FOXO1: variants seen among roughly 807,000 people sequenced by gnomAD.
FOXO1 encodes the protein forkhead box protein O1.
In FOXO1, 6 loss-of-function variants were observed where a neutral mutation model predicts 44.1. That is an observed-to-expected ratio of 0.14 (90% CI 0.07 to 0.27). The LOEUF (loss-of-function observed/expected upper bound fraction) is 0.27. Ranked by LOEUF, FOXO1 falls within the 10% of genes least tolerant of loss-of-function variation. FOXO1 has a pLI of 1.00. For synonymous variants in FOXO1, 380 were observed against 362.7 expected, an observed-to-expected ratio of 1.05 and a Z score of -0.54; for missense variants, 737 against 888.8, an observed-to-expected ratio of 0.83 and a Z score of 2.17.
chr13:40,646,109 T>A (rs552016447), intron 1 of FOXO1, among the ~76,000 whole-genome samples: 2 of 150,662 alleles, frequency 1.3e-5, no homozygotes, highest in Admixed American at 6.6e-5. Flanking sequence ...ATTTAGTGAA[T>A]AATTGAGAAC....
intron 1 of FOXO1, among the ~76,000 whole-genome samples, chr13:40,596,666 T>G (rs1010397061): frequency 6.6e-6 from 1 of 152,310 alleles, no homozygotes; most frequent in Non-Finnish European, 1.5e-5. Context: ...ATCAGGGCCA[T>G]CCTTCTGCAA....
intron 1 of FOXO1, among the ~76,000 whole-genome samples, chr13:40,653,193 T>G (rs1033184048): frequency 6.6e-6 from 1 of 152,032 alleles, no homozygotes. Flanking sequence ...TGTCTCGAAC[T>G]CCTAACCTCA....
intron 1 of FOXO1, among the ~76,000 whole-genome samples, chr13:40,664,064 G>A (rs992642027): frequency 1.3e-5 from 2 of 152,196 alleles, no homozygotes; most frequent in African/African-American, 4.8e-5. Flanking sequence ...CACGAGGTCA[G>A]GAGATCCAGA....
chr13:40,644,141 C>T (rs1038115220), intron 1 of FOXO1, among the ~76,000 whole-genome samples: 1 of 152,154 alleles, frequency 6.6e-6, no homozygotes, highest in Non-Finnish European at 1.5e-5. Context: ...CCAGGGCATG[C>T]CAGTAAATAT....
chr13:40,605,926 A>C lies in FOXO1; in HGVS notation c.631-45066T>G, dbSNP rs139219804. 3.9e-4 allele frequency among the ~76,000 whole-genome samples: 60 copies of C among 152,302 alleles called. No individual in the cohort carries two copies. In the East Asian group the frequency reaches 0.011, roughly 28 times the overall value. On this transcript the variant is annotated intron_variant, in intron 1 of 2. Transcript: ENST00000379561. ...GAAAAGTAGTAGGTATGAGCCTAATAATCTAGAAAACGTACATCGACCAAG... is the reference window on the plus strand; with the variant it reads ...GAAAAGTAGTAGGTATGAGCCTAATCATCTAGAAAACGTACATCGACCAAG...
rs541198342 is a variant in FOXO1 at position 40,611,080 on chromosome 13, G to C, written c.631-50220C>G. 5 of 456,154 alleles carry C rather than the reference G, an allele frequency of 1.1e-5. No homozygotes were observed. In the Admixed American group the frequency reaches 1.2e-4, roughly 11 times the overall value. 28.3% of individuals were successfully genotyped at this position (456,154 alleles called of 1,614,324 possible). ...AGTTGTATCTTCATCAAAAATAAAT[G>C]CTTATTCAGTGGCATCAATACTGCA... On this transcript the variant is annotated intron_variant, in intron 1 of 2. Coordinates refer to ENST00000379561, the MANE Select transcript of FOXO1 (RefSeq NM_002015.4).
At chr13:40,572,852 C>A (rs1874591788) in intron 1 of FOXO1, among the ~76,000 whole-genome samples, 1 of 152,190 alleles carries the variant, frequency 6.6e-6, no homozygotes, top group Non-Finnish European at 1.5e-5. Context: ...TGCGCAACAG[C>A]CCTGCTGTCC....
chr13:40,590,676 C>T (rs778096965), intron 1 of FOXO1, among the ~76,000 whole-genome samples: 1 of 152,190 alleles, frequency 6.6e-6, no homozygotes, highest in African/African-American at 2.4e-5. Flanking sequence ...TTGCCGTCAA[C>T]GGGAGATGTG....
Position 40,666,416 on chromosome 13 carries a change from G to T in FOXO1, c.-204C>A. 1 of 423,628 alleles carries T rather than the reference G, an allele frequency of 2.4e-6. No individual in the cohort carries two copies. Among genetic ancestry groups the T allele is most frequent in the Non-Finnish European group, 4.2e-6 (1 of 240,868 alleles). 26.2% of individuals were successfully genotyped at this position (423,628 alleles called of 1,614,324 possible). A position where few individuals can be genotyped will look rare whatever the true frequency, so the allele number is the denominator to read the frequency against. The stretch of plus-strand genomic sequence containing the variant: ...TTAACTTCGCGGGGCCATCCACATC[G>T]AGGCTCCTCGGGGTCCGCCGCACGG... On this transcript the variant is annotated 5_prime_UTR_variant, in exon 1 of 3. Coordinates refer to ENST00000379561, the MANE Select transcript of FOXO1 (RefSeq NM_002015.4).
At chr13:40,559,382 T>C (rs1873885842) in intron 2 of FOXO1, 127 bp downstream of exon 2, 1 of 825,252 alleles carries the variant, frequency 1.2e-6, no homozygotes, top group South Asian at 2.1e-5. Context: ...GAATGAATGA[T>C]AAAAGATCCC....
chr13:40,644,292 C>A (rs1473220514), intron 1 of FOXO1, among the ~76,000 whole-genome samples: 3 of 152,138 alleles, frequency 2.0e-5, no homozygotes, highest in East Asian at 1.9e-4. Context: ...CAACAATCTG[C>A]GATTAGCACA....
chr13:40,600,672 G>C (rs1875785596), intron 1 of FOXO1, among the ~76,000 whole-genome samples: 3 of 152,136 alleles, frequency 2.0e-5, no homozygotes. Flanking sequence ...ATTACTGTTT[G>C]GGTAGACTAA....
intron 1 of FOXO1, among the ~76,000 whole-genome samples, chr13:40,606,440 G>C (rs936389427): frequency 1.3e-5 from 2 of 152,068 alleles, no homozygotes; most frequent in Non-Finnish European, 2.9e-5. Flanking sequence ...CTCCTGAGTA[G>C]CTGGGATTAC....
rs1245873057 is a variant in FOXO1 at position 40,665,812 on chromosome 13, TGCTGCGACAGCGGCCCGGGCGGCGGGG to T, written c.374_400del (p.Pro125_Gln133del). The T allele has an allele frequency of 4.9e-6, 6 of 1,216,122 alleles. No homozygotes were observed. The highest frequency in any genetic ancestry group is 8.9e-5 in the Admixed American group (2 of 22,558). 75.3% of individuals were successfully genotyped at this position (1,216,122 alleles called of 1,614,324 possible). On this transcript the variant is annotated inframe_deletion, in exon 1 of 3. Transcript: ENST00000379561. ...AGCGGCGGCGGGGGGCACCGGCGGG[TGCTGCGACAGCGGCCCGGGCGGCGGGG>T]GCTGCGGTGGCGCTGGGTGCAGGCA...
intron 1 of FOXO1, among the ~76,000 whole-genome samples, chr13:40,636,798 A>T (rs1358272684): frequency 6.6e-6 from 1 of 152,140 alleles, no homozygotes; most frequent in Non-Finnish European, 1.5e-5. Flanking sequence ...CCTGGCCAAA[A>T]AATAATAATA....
intron 1 of FOXO1, among the ~76,000 whole-genome samples, chr13:40,623,920 T>C: frequency 7.4e-6 from 1 of 135,614 alleles, no homozygotes; most frequent in Non-Finnish European, 1.5e-5. Context: ...ACACCATCTC[T>C]TAAAAAAAAA....
At chr13:40,627,999 G>A (rs1238302366) in intron 1 of FOXO1, among the ~76,000 whole-genome samples, 7 of 152,132 alleles carry the variant, frequency 4.6e-5, no homozygotes, top group Middle Eastern at 6.8e-3. Flanking sequence ...CAGGGGAACC[G>A]TGTGTGTGTG....
At chr13:40,618,763 ATGG>A in intron 1 of FOXO1, 1 of 499,008 alleles carries the variant, frequency 2.0e-6, no homozygotes, top group Non-Finnish European at 4.0e-6. Context: ...TCTAGATCAG[ATGG>A]TGGTGGTGAC....
intron 1 of FOXO1, among the ~76,000 whole-genome samples, chr13:40,599,409 C>T (rs909786760): frequency 6.6e-6 from 1 of 152,192 alleles, no homozygotes; most frequent in African/African-American, 2.4e-5. Flanking sequence ...CAGCCTTACA[C>T]GATTGGCACT....
Sources: gnomAD v4.1 joint callset for allele counts (sites outside exome capture counted in the v4.1 genomes callset) on GRCh38, gnomAD v4.1.1 for gene constraint, MANE v1.5 for transcripts, NCBI Gene and HGNC (gene_info 2026-07-23, HGNC 2026-07-21) for gene names.